MYBPC2: variants seen among roughly 807,000 people sequenced by gnomAD.
The protein encoded by MYBPC2 is myosin-binding protein C, fast-type.
MYBPC2 carries 122 observed loss-of-function variants against 137.0 expected under a neutral mutation model. That is an observed-to-expected ratio of 0.89 (90% CI 0.77 to 1.03). The LOEUF is 1.03. Among genes scored for constraint, MYBPC2 ranks in the 50% least tolerant of loss-of-function variants. The pLI is 0.00. For missense variants in MYBPC2, 1,500 were observed against 1,534.4 expected (o/e 0.98, Z 0.37); for synonymous variants, 626 against 612.3 (o/e 1.02, Z -0.33).
intron 14 of MYBPC2, 56 bp downstream of exon 14, chr19:50,450,991 C>T (rs2039851803): frequency 1.4e-6 from 2 of 1,480,378 alleles, no homozygotes; most frequent in Non-Finnish European, 1.8e-6. Context: ...CTCGCAGACC[C>T]AGGGCCCGGG....
In MYBPC2 at chr19:50,437,720, T is replaced by C; in HGVS notation, c.572+2T>C. On this transcript the variant is annotated splice_donor_variant, in intron 7 of 27. Coordinates refer to ENST00000357701, the MANE Select transcript of MYBPC2 (RefSeq NM_004533.4). LOFTEE classifies it high-confidence loss of function. Reference sequence around the variant, plus strand: ...TTTCAGTGGCCTGTTGAAGAAGAGGTGAGCCCCGGACTTGGCACAGAGAGG... The same window carrying C: ...TTTCAGTGGCCTGTTGAAGAAGAGGCGAGCCCCGGACTTGGCACAGAGAGG... 1.2e-6 allele frequency: 2 copies of C among 1,600,394 alleles called. No homozygotes were observed. The highest frequency in any genetic ancestry group is 1.7e-6 in the Non-Finnish European group (2 of 1,173,540).
chr19:50,443,218 G>A (rs941538674), intron 9 of MYBPC2, among the ~76,000 whole-genome samples: 10 of 152,292 alleles, frequency 6.6e-5, no homozygotes, highest in Middle Eastern at 3.4e-3. Context: ...TAGCTACTCA[G>A]GGGCTGAGGT....
intron 7 of MYBPC2, among the ~76,000 whole-genome samples, chr19:50,440,662 CAA>C (rs59564151): frequency 1.6e-4 from 16 of 99,278 alleles, no homozygotes; most frequent in East Asian, 2.5e-4. Context: ...GAATCTGTCT[CAA>C]AAAAAAAAAA....
chr19:50,451,747 A>G, intron 15 of MYBPC2, 117 bp from the exon 16 acceptor site: 1 of 1,438,108 alleles, frequency 7.0e-7, no homozygotes, highest in South Asian at 1.3e-5. Context: ...GCTTCAGGAC[A>G]TGGATCCCTG....
At chr19:50,451,019 T>C in intron 14 of MYBPC2, 84 bp downstream of exon 14, 3 of 1,304,032 alleles carry the variant, frequency 2.3e-6, no homozygotes, top group Non-Finnish European at 3.2e-6. Context: ...TCTCCAGGAT[T>C]AAGGTTCCCC....
At position 50,452,017 on chromosome 19, in the gene MYBPC2, G is replaced by A. The variant is rs760705592; in HGVS notation, c.1749+14G>A. ...AAGGGAGATGAGGTGGGTTGGGGCC[G>A]CCCCTCTGTCCTCACTCCCTTTCCG... On this transcript the variant is annotated intron_variant, in intron 16 of 27. Coordinates refer to ENST00000357701, the MANE Select transcript of MYBPC2 (RefSeq NM_004533.4). 33 of 1,551,344 alleles carry A rather than the reference G, an allele frequency of 2.1e-5. No individual in the cohort carries two copies. In the South Asian group the frequency reaches 3.1e-4, roughly 15 times the overall value.
chr19:50,446,168 C>T (rs1226312087), intron 12 of MYBPC2, 116 bp downstream of exon 12: 3 of 1,253,640 alleles, frequency 2.4e-6, no homozygotes, highest in African/African-American at 1.5e-5. Context: ...TTCCCACACA[C>T]CCTATGTTCA....
At chr19:50,455,685 A>C (rs1555797667) in intron 20 of MYBPC2, 41 bp downstream of exon 20, 1 of 1,606,730 alleles carries the variant, frequency 6.2e-7, no homozygotes, top group Non-Finnish European at 8.5e-7. Context: ...GGTGGCTAGC[A>C]CAGGTGGGTA....
In MYBPC2 at chr19:50,436,126, T is replaced by C; in HGVS notation, c.311T>C (p.Phe104Ser). 1.3e-6 allele frequency: 2 copies of C among 1,582,286 alleles called. No individual in the cohort carries two copies. Among genetic ancestry groups the C allele is most frequent in the Non-Finnish European group, 1.7e-6 (2 of 1,164,672 alleles). The change falls in exon 4 of 28, where the codon TTC (phenylalanine) becomes TCC (serine). Residue 104 changes from phenylalanine to serine, a missense_variant. Coordinates refer to ENST00000357701, the MANE Select transcript of MYBPC2 (RefSeq NM_004533.4). ...CTGGGCAGCAAGAGTGGCGCCCGCT[T>C]CTCCTTCAAGGAGTCCCACAACTCC... Reference protein sequence around the residue: ...LELGSKSGARFSFKESHNSAS... With the variant: ...LELGSKSGARSSFKESHNSAS...
At chr19:50,459,064 C>T (rs779392143) in intron 22 of MYBPC2, 47 bp from the exon 23 acceptor site, 4 of 1,559,038 alleles carry the variant, frequency 2.6e-6, no homozygotes, top group Non-Finnish European at 3.5e-6. Context: ...CCCCTTTTTG[C>T]GGGTGGAGCC....
chr19:50,432,950 C>T lies in MYBPC2; in HGVS notation c.-4C>T. 6.2e-7 allele frequency: 1 copy of T among 1,606,604 alleles called. No homozygotes were observed. Among genetic ancestry groups the T allele is most frequent in the Non-Finnish European group, 8.5e-7 (1 of 1,177,588 alleles). On this transcript the variant is annotated 5_prime_UTR_variant, in exon 1 of 28. Coordinates refer to ENST00000357701, the MANE Select transcript of MYBPC2 (RefSeq NM_004533.4). This position sits in a 1 kb window ranked among gnomAD's most constrained non-coding sequence, Gnocchi z 5.5. ...GTCAGAGGAGCAGGAGGAGGTCCCC[C>T]GACATGCCTGAGGCAAAACCAGGTG...
chr19:50,455,040 A>G (rs2039895421), intron 18 of MYBPC2, 68 bp from the exon 19 acceptor site: 6 of 1,445,322 alleles, frequency 4.2e-6, no homozygotes, highest in Non-Finnish European at 5.6e-6. Flanking sequence ...TGTGGCCCTC[A>G]CTCCCCCAGC....
intron 26 of MYBPC2, among the ~76,000 whole-genome samples, chr19:50,463,997 C>T (rs574190694): frequency 4.6e-4 from 69 of 150,822 alleles, no homozygotes; most frequent in African/African-American, 1.7e-3. Context: ...TGCCAGCGTC[C>T]TGAGGTGGGT....
Position 50,444,702 on chromosome 19 carries a change from A to G in MYBPC2, c.1133+886A>G, listed in dbSNP as rs528338456. 5.7e-3 allele frequency among the ~76,000 whole-genome samples: 864 copies of G among 151,730 alleles called. 4 individuals are homozygous for G. Among genetic ancestry groups the G allele is most frequent in the Non-Finnish European group, 7.4e-3 (502 of 67,892 alleles). Reference sequence around the variant, plus strand: ...GAGACCATCTTGGCTAACACGGTGAAACCCCGTTTCTACTAAAAATACAAA... The same window carrying G: ...GAGACCATCTTGGCTAACACGGTGAGACCCCGTTTCTACTAAAAATACAAA... On this transcript the variant is annotated intron_variant, in intron 11 of 27. Transcript: ENST00000357701.
At chr19:50,436,211 A>C in intron 4 of MYBPC2, 51 bp downstream of exon 4, 2 of 1,546,076 alleles carry the variant, frequency 1.3e-6, no homozygotes, top group Non-Finnish European at 1.7e-6. Flanking sequence ...GAGCTTGTGC[A>C]GGACATGCTC....
rs750610045 is a variant in MYBPC2 at position 50,443,692 on chromosome 19, C to T, written c.1028-19C>T. 3.0e-5 allele frequency: 49 copies of T among 1,612,040 alleles called. No homozygotes were observed. Among genetic ancestry groups the T allele is most frequent in the Non-Finnish European group, 3.7e-5 (44 of 1,178,326 alleles). ...AGGGGGTCCTGAAACGACTGACCTC[C>T]TGTCCCCCTGCCCCACAGAACCTCC... On this transcript the variant is annotated intron_variant, in intron 10 of 27. Coordinates refer to ENST00000357701, the MANE Select transcript of MYBPC2 (RefSeq NM_004533.4).
In MYBPC2 at chr19:50,458,247, T is replaced by C. The variant is rs181420814; in HGVS notation, c.2339-340T>C. Among the ~76,000 whole-genome samples, 1,040 of 147,188 alleles carry C rather than the reference T, an allele frequency of 7.1e-3. 13 individuals are homozygous for C. Among genetic ancestry groups the C allele is most frequent in the African/African-American group, 0.025 (976 of 39,108 alleles). Reference sequence around the variant, plus strand: ...ATTACTTGAACCTGGGAGGCGGAGGTTGCAGTGAGCCAAGATCTTGCCATT... The same window carrying C: ...ATTACTTGAACCTGGGAGGCGGAGGCTGCAGTGAGCCAAGATCTTGCCATT... On this transcript the variant is annotated intron_variant, in intron 20 of 27. Transcript: ENST00000357701.
chr19:50,444,286 CCATT>C lies in MYBPC2; in HGVS notation c.1133+474_1133+477del, dbSNP rs1221328763. 5.9e-3 allele frequency among the ~76,000 whole-genome samples: 472 copies of C among 80,522 alleles called. 4 individuals carry two copies. The highest frequency in any genetic ancestry group is 0.017 in the African/African-American group (438 of 26,218). The allele number at this position is 80,522 out of a possible 152,430, so 52.8% of individuals were successfully genotyped here. A position where few individuals can be genotyped will look rare whatever the true frequency, so the allele number is the denominator to read the frequency against. On this transcript the variant is annotated intron_variant, in intron 11 of 27. Transcript: ENST00000357701. Reference sequence around the variant, plus strand: ...TCCATCTACTTAACCATCTGTCCATCCATTCATCCATCCATCCATCCATCCATCC... The same window carrying C: ...TCCATCTACTTAACCATCTGTCCATCCATCCATCCATCCATCCATCCATCC...
rs2039800280 is a variant in MYBPC2 at position 50,445,929 on chromosome 19, T to C, written c.1183T>C (p.Tyr395His). 2 of 1,610,960 alleles carry C rather than the reference T, an allele frequency of 1.2e-6. No individual in the cohort carries two copies. The highest frequency in any genetic ancestry group is 4.5e-5 in the East Asian group (2 of 44,776). ...LTREDSFKAR[Y>H]RFKKDGKRHI... ...TCGGGAGGATTCCTTCAAGGCCCGG[T>C]ACCGCTTCAAGAAGGACGGGAAGCG... The change falls in exon 12 of 28, where the codon TAC (tyrosine) becomes CAC (histidine). Residue 395 changes from tyrosine to histidine, a missense_variant. By Grantham distance (83) the Tyr-to-His change is moderately conservative. Coordinates refer to ENST00000357701, the MANE Select transcript of MYBPC2 (RefSeq NM_004533.4).
Sources: allele counts gnomAD v4.1 joint callset (sites outside exome capture counted in the v4.1 genomes callset), GRCh38; gene constraint gnomAD v4.1.1; non-coding constraint Gnocchi (gnomAD v3.1); transcripts MANE v1.5; gene names NCBI Gene and HGNC (gene_info 2026-07-23, HGNC 2026-07-21).